The following YY1AP1 variants were observed in gnomAD, a reference collection of about 807,000 sequenced individuals.
YY1AP1 encodes the protein YY1-associated protein 1.
Under a neutral mutation model 39.9 loss-of-function variants are expected in YY1AP1, and 43 were observed. That is an observed-to-expected ratio of 1.08 (90% CI 0.84 to 1.39). The LOEUF (loss-of-function observed/expected upper bound fraction) is 1.39, where lower values mean the gene tolerates loss of function less well. YY1AP1 is among the 40% of genes most tolerant of loss of function. The pLI, the probability that YY1AP1 is intolerant of heterozygous loss-of-function variation, is 0.00. For missense variants in YY1AP1, 813 were observed against 900.7 expected (o/e 0.90, Z 1.25); for synonymous variants, 292 against 331.3 (o/e 0.88, Z 1.29).
At chr1:155,664,152 T>G (rs1163711835) in intron 9 of YY1AP1, among the ~76,000 whole-genome samples, 2 of 149,240 alleles carry the variant, frequency 1.3e-5, no homozygotes, top group Non-Finnish European at 3.0e-5. Flanking sequence ...TTAAATGGCA[T>G]GAAATTTCTT....
intron 6 of YY1AP1, among the ~76,000 whole-genome samples, chr1:155,673,900 G>A (rs1223089920): frequency 2.6e-5 from 4 of 151,886 alleles, no homozygotes; most frequent in South Asian, 2.1e-4. Flanking sequence ...GGTGGCTCAC[G>A]CCTGTAATCC....
intron 9 of YY1AP1, among the ~76,000 whole-genome samples, chr1:155,662,097 C>T (rs939235794): frequency 2.0e-5 from 3 of 151,570 alleles, no homozygotes; most frequent in Admixed American, 6.6e-5. Flanking sequence ...AAGACAGCAT[C>T]GTAATCTATA....
chr1:155,674,852 ACT>A (rs1650404449), intron 6 of YY1AP1, 156 bp downstream of exon 6: 1 of 600,602 alleles, frequency 1.7e-6, no homozygotes, highest in African/African-American at 1.9e-5. Context: ...AATTGAATAC[ACT>A]CTTTGTCCTT....
intron 1 of YY1AP1, 29 bp downstream of exon 1, chr1:155,688,630 C>T: frequency 6.5e-7 from 1 of 1,534,588 alleles, no homozygotes; most frequent in South Asian, 1.2e-5. Context: ...CCCTGTCAAG[C>T]CGGCTCCAGC....
chr1:155,670,291 A>T lies in YY1AP1; in HGVS notation c.728+29T>A, dbSNP rs372087465. On this transcript the variant is annotated intron_variant, in intron 8 of 10. Transcript: ENST00000355499. The stretch of plus-strand genomic sequence containing the variant: ...AAAGGAACTACATCTTCTCCTTGGG[A>T]TATTTGATCCCCCAGAGTAAACACT... The T allele has an allele frequency of 3.1e-6, 5 of 1,611,664 alleles. No individual in the cohort carries two copies. In the East Asian group the frequency reaches 1.1e-4, roughly 36 times the overall value.
At chr1:155,672,530 A>C (rs770450030) in intron 7 of YY1AP1, 30 bp downstream of exon 7, 1 of 1,606,594 alleles carries the variant, frequency 6.2e-7, no homozygotes, top group Non-Finnish European at 8.5e-7. Flanking sequence ...CCGCAAGTAA[A>C]AACTTAAAGC....
At chr1:155,669,450 A>G (rs956126006) in intron 8 of YY1AP1, among the ~76,000 whole-genome samples, 1 of 152,224 alleles carries the variant, frequency 6.6e-6, no homozygotes, top group African/African-American at 2.4e-5. Context: ...AATAAGAATC[A>G]AATAGTTCAC....
At chr1:155,679,241 A>G (rs1160504794) in intron 4 of YY1AP1, 168 bp downstream of exon 4, 6 of 1,533,400 alleles carry the variant, frequency 3.9e-6, no homozygotes, top group East Asian at 2.5e-5. Context: ...GCACTGCCCC[A>G]TAACAAGGAG....
At chr1:155,665,178 G>T (rs1009830503) in intron 9 of YY1AP1, among the ~76,000 whole-genome samples, 2 of 152,180 alleles carry the variant, frequency 1.3e-5, no homozygotes, top group Non-Finnish European at 2.9e-5. Context: ...AGCACTTTGG[G>T]ATGCTGAAGC....
intron 9 of YY1AP1, among the ~76,000 whole-genome samples, chr1:155,665,126 A>T (rs1007099295): frequency 6.6e-6 from 1 of 151,898 alleles, no homozygotes; most frequent in African/African-American, 2.4e-5. Flanking sequence ...TCAGGATGCT[A>T]CTGGAATGGG....
intron 2 of YY1AP1, 74 bp from the exon 3 acceptor site, chr1:155,680,530 G>A (rs924467308): frequency 2.3e-6 from 3 of 1,313,780 alleles, no homozygotes; most frequent in African/African-American, 2.9e-5. Flanking sequence ...TGTAGACAAT[G>A]TATGATGTTT....
rs763258476 is a variant in YY1AP1 at position 155,672,590 on chromosome 1, A to G, written c.553T>C (p.Cys185Arg). 2.3e-5 allele frequency: 37 copies of G among 1,613,104 alleles called. No individual in the cohort carries two copies. The highest frequency in any genetic ancestry group is 3.0e-5 in the Non-Finnish European group (35 of 1,179,256). The change falls in exon 7 of 11, where the codon TGC becomes CGC. Residue 185 changes from cysteine (C) to arginine (R), a missense_variant. By Grantham distance (180) the Cys-to-Arg change is radical. Coordinates refer to ENST00000355499, the MANE Select transcript of YY1AP1 (RefSeq NM_139119.3). ...EDFSTHVSIDCSPHKTVKKTA... is the reference protein window; with the variant it reads ...EDFSTHVSIDRSPHKTVKKTA... ...TTCTTGACAGTTTTATGAGGGCTGC[A>G]GTCAATGCTGACATGTGTGCTGAAG...
At chr1:155,684,835 C>G (rs1001681666) in intron 2 of YY1AP1, among the ~76,000 whole-genome samples, 4 of 152,148 alleles carry the variant, frequency 2.6e-5, no homozygotes, top group Admixed American at 2.0e-4. Flanking sequence ...ATCCATCCGC[C>G]TCGTCCTCCC....
At chr1:155,675,477 G>A (rs1386759847) in intron 5 of YY1AP1, among the ~76,000 whole-genome samples, 14 of 152,046 alleles carry the variant, frequency 9.2e-5, no homozygotes, top group African/African-American at 3.1e-4. Flanking sequence ...ACAGGTGCCC[G>A]CCGCCACACC....
chr1:155,685,926 C>T (rs1361481048), intron 2 of YY1AP1, among the ~76,000 whole-genome samples: 1 of 151,976 alleles, frequency 6.6e-6, no homozygotes, highest in Non-Finnish European at 1.5e-5. Flanking sequence ...CAAGAAACAT[C>T]CCATTTTCCA....
At chr1:155,680,953 T>TGA (rs375030311) in intron 2 of YY1AP1, among the ~76,000 whole-genome samples, 19 of 151,134 alleles carry the variant, frequency 1.3e-4, no homozygotes, top group African/African-American at 2.7e-4. Context: ...TATGAGAGAA[T>TGA]GAGAGAGAGA....
chr1:155,677,411 T>C (rs1451381042), intron 4 of YY1AP1, among the ~76,000 whole-genome samples: 1 of 152,134 alleles, frequency 6.6e-6, no homozygotes, highest in Non-Finnish European at 1.5e-5. Flanking sequence ...TTCCAATACC[T>C]AGCATGTCAG....
chr1:155,661,205 T>C, intron 10 of YY1AP1, 102 bp downstream of exon 10: 1 of 1,613,046 alleles, frequency 6.2e-7, no homozygotes, highest in Non-Finnish European at 8.5e-7. Context: ...GAAGTCCTAG[T>C]TCTACAACTA....
chr1:155,666,738 G>A (rs546281434), intron 9 of YY1AP1, among the ~76,000 whole-genome samples: 3 of 152,086 alleles, frequency 2.0e-5, no homozygotes, highest in African/African-American at 7.2e-5. Context: ...AGAGGCTCAC[G>A]CCTATAATTC....
Sources: allele counts gnomAD v4.1 joint callset (sites outside exome capture counted in the v4.1 genomes callset), GRCh38; gene constraint gnomAD v4.1.1; transcripts MANE v1.5; gene names NCBI Gene and HGNC (gene_info 2026-07-23, HGNC 2026-07-21).